Variants in TNR observed in about 807,000 individuals in gnomAD.
The protein encoded by TNR is tenascin R, also known as tenascin-R.
TNR carries 45 observed loss-of-function variants against 150.4 expected under a neutral mutation model. That is an observed-to-expected ratio of 0.30 (90% CI 0.24 to 0.38). The LOEUF (loss-of-function observed/expected upper bound fraction) is 0.38. Among genes scored for constraint, TNR ranks in the 10% least tolerant of loss-of-function variants. TNR has a pLI of 1.00. For synonymous variants in TNR, 687 were observed against 678.4 expected, an observed-to-expected ratio of 1.01 and a Z score of -0.20; for missense variants, 1,544 against 1,759.1, an observed-to-expected ratio of 0.88 and a Z score of 2.19.
chr1:175,424,141 G>A (rs1654870104), intron 2 of TNR, among the ~76,000 whole-genome samples: 1 of 152,158 alleles, frequency 6.6e-6, no homozygotes, highest in Admixed American at 6.5e-5. Flanking sequence ...CCATAATTGA[G>A]ATTGCACCCT....
chr1:175,555,457 G>A (rs1353003066), intron 1 of TNR, among the ~76,000 whole-genome samples: 2 of 150,898 alleles, frequency 1.3e-5, no homozygotes, highest in Admixed American at 6.6e-5. Context: ...TGAATGTGTG[G>A]CTCGCCCACA....
intron 1 of TNR, among the ~76,000 whole-genome samples, chr1:175,564,149 CT>C (rs774854261): frequency 6.6e-6 from 1 of 152,226 alleles, no homozygotes; most frequent in Non-Finnish European, 1.5e-5. Flanking sequence ...AAATCCCACT[CT>C]GCTCTCCAAG....
At chr1:175,479,111 A>G (rs1657670202) in intron 2 of TNR, among the ~76,000 whole-genome samples, 1 of 152,226 alleles carries the variant, frequency 6.6e-6, no homozygotes, top group South Asian at 2.1e-4. Context: ...CCTCAAGATT[A>G]CACACAAGGT....
intron 1 of TNR, among the ~76,000 whole-genome samples, chr1:175,606,976 C>T (rs1663430771): frequency 6.6e-6 from 1 of 152,180 alleles, no homozygotes; most frequent in Non-Finnish European, 1.5e-5. Flanking sequence ...CCTTGTCCTG[C>T]TTCACTTCCT....
At chr1:175,340,903 T>G (rs956600765) in intron 18 of TNR, among the ~76,000 whole-genome samples, 8 of 152,146 alleles carry the variant, frequency 5.3e-5, no homozygotes, top group Admixed American at 2.0e-4. Flanking sequence ...TCCCCCTCTT[T>G]CCCTTTCCCA....
At chr1:175,390,937 A>C (rs569765786) in intron 7 of TNR, among the ~76,000 whole-genome samples, 1 of 152,264 alleles carries the variant, frequency 6.6e-6, no homozygotes, top group African/African-American at 2.4e-5. Context: ...TCCAAATATC[A>C]TCATAGGTAA....
At chr1:175,726,730 A>G (rs895008312) in intron 1 of TNR, among the ~76,000 whole-genome samples, 1 of 152,266 alleles carries the variant, frequency 6.6e-6, no homozygotes, top group Admixed American at 6.5e-5. Context: ...AAATTGAAAG[A>G]CAAAATGTGA....
intron 2 of TNR, among the ~76,000 whole-genome samples, chr1:175,520,838 C>T (rs758497815): frequency 4.6e-5 from 7 of 152,134 alleles, no homozygotes; most frequent in Non-Finnish European, 7.3e-5. Context: ...TTTTCCCTCT[C>T]GTTTCATCCT....
At chr1:175,441,483 G>C (rs953601203) in intron 2 of TNR, among the ~76,000 whole-genome samples, 22 of 151,990 alleles carry the variant, frequency 1.4e-4, no homozygotes, top group Non-Finnish European at 3.1e-4. Flanking sequence ...AATAATACCA[G>C]GTACTATATA....
chr1:175,602,291 C>T (rs1663270231), intron 1 of TNR, among the ~76,000 whole-genome samples: 1 of 149,848 alleles, frequency 6.7e-6, no homozygotes, highest in Non-Finnish European at 1.5e-5. Flanking sequence ...CTATATCACA[C>T]TGGTCCTCAA....
At position 175,497,670 on chromosome 1, in the gene TNR, G is replaced by C. The variant is rs142445766; in HGVS notation, c.-64+30599C>G. Reference sequence around the variant, plus strand: ...GAAAGCATGCTTCTGGGACTCCCTGGGGCTCAGACATATTATCTGCCCTAG... The same window carrying C: ...GAAAGCATGCTTCTGGGACTCCCTGCGGCTCAGACATATTATCTGCCCTAG... On this transcript the variant is annotated intron_variant, in intron 2 of 22. Coordinates refer to ENST00000367674, the MANE Select transcript of TNR (RefSeq NM_003285.3). Among the ~76,000 whole-genome samples the C allele has an allele frequency of 5.1e-3, 769 of 152,210 alleles. 6 individuals carry two copies. Among genetic ancestry groups the C allele is most frequent in the African/African-American group, 0.017 (721 of 41,530 alleles).
chr1:175,508,150 C>T (rs1319799480), intron 2 of TNR, among the ~76,000 whole-genome samples: 1 of 151,990 alleles, frequency 6.6e-6, no homozygotes, highest in Non-Finnish European at 1.5e-5. Flanking sequence ...AGGACAGATA[C>T]GTCATGTATG....
intron 1 of TNR, among the ~76,000 whole-genome samples, chr1:175,602,203 CAA>C (rs57341654): frequency 1.9e-3 from 58 of 30,552 alleles, no homozygotes; most frequent in African/African-American, 5.0e-3. Flanking sequence ...GGACCAAAGG[CAA>C]AAAAAAAAAA....
chr1:175,408,694 C>T (rs1571399712), intron 2 of TNR, among the ~76,000 whole-genome samples: 1 of 152,142 alleles, frequency 6.6e-6, no homozygotes, highest in Admixed American at 6.5e-5. Context: ...AATAATGGTA[C>T]TTATCTTACA....
At chr1:175,367,068 T>C (rs568930112) in intron 10 of TNR, 140 bp downstream of exon 10, 1 of 696,404 alleles carries the variant, frequency 1.4e-6, no homozygotes, top group South Asian at 1.8e-5. Flanking sequence ...TGGATGTTGT[T>C]TCTAGGCTGA....
intron 18 of TNR, among the ~76,000 whole-genome samples, chr1:175,348,094 A>AT: frequency 6.6e-6 from 1 of 152,272 alleles, no homozygotes; most frequent in Non-Finnish European, 1.5e-5. Context: ...AATTAATGGT[A>AT]TTTTTCTACA....
Position 175,403,546 on chromosome 1 carries a change from G to A in TNR, c.570C>T (p.Cys190=). 1 of 1,614,188 alleles carries A rather than the reference G, an allele frequency of 6.2e-7. No homozygotes were observed. The highest frequency in any genetic ancestry group is 2.2e-5 in the East Asian group (1 of 44,880). Residue 190 remains cysteine (C), a synonymous_variant, in exon 4 of 23, where the codon TGC becomes TGT. Coordinates refer to ENST00000367674, the MANE Select transcript of TNR (RefSeq NM_003285.3). ...NFSFESCGCI[C]NEGWFGKNCS... is the part of the protein sequence containing the mutation. Reference sequence around the variant, plus strand: ...AATTCTTGCCAAACCAGCCTTCGTTGCAGATGCAGCCACAGGACTCAAAGC... The same window carrying A: ...AATTCTTGCCAAACCAGCCTTCGTTACAGATGCAGCCACAGGACTCAAAGC...
chr1:175,685,587 T>C (rs1666169848), intron 1 of TNR, among the ~76,000 whole-genome samples: 1 of 152,154 alleles, frequency 6.6e-6, no homozygotes, highest in Non-Finnish European at 1.5e-5. Flanking sequence ...AGGAGCAGGA[T>C]AAGAAGGTGT....
intron 12 of TNR, 40 bp downstream of exon 12, chr1:175,364,970 A>G: frequency 6.4e-7 from 1 of 1,564,004 alleles, no homozygotes. Flanking sequence ...CTACTGTGAA[A>G]ACCCCTTTCA....
Sources: allele counts gnomAD v4.1 joint callset (sites outside exome capture counted in the v4.1 genomes callset), GRCh38; gene constraint gnomAD v4.1.1; transcripts MANE v1.5; gene names NCBI Gene and HGNC (gene_info 2026-07-23, HGNC 2026-07-21).